Variants in CNTNAP2 observed in about 807,000 individuals in gnomAD.
The protein encoded by CNTNAP2 is contactin associated protein 2.
In CNTNAP2, 98 loss-of-function variants were observed where a neutral mutation model predicts 155.2. The observed-to-expected ratio is 0.63, with a 90% confidence interval of 0.54 to 0.75. The LOEUF is 0.75. Ranked by LOEUF, CNTNAP2 falls within the 30% of genes least tolerant of loss-of-function variation. The pLI is 0.00. For synonymous variants in CNTNAP2, 651 were observed against 631.2 expected (o/e 1.03, Z -0.47); for missense variants, 1,727 against 1,688.1 (o/e 1.02, Z -0.40).
At chr7:146,430,134 A>T (rs1796150463) in intron 1 of CNTNAP2, among the ~76,000 whole-genome samples, 1 of 151,792 alleles carries the variant, frequency 6.6e-6, no homozygotes, top group South Asian at 2.1e-4. Flanking sequence ...TATTTTATTG[A>T]GAATATTCGC....
At chr7:148,136,316 G>A (rs550200740) in intron 16 of CNTNAP2, among the ~76,000 whole-genome samples, 49 of 152,108 alleles carry the variant, frequency 3.2e-4, no homozygotes, top group South Asian at 2.1e-4. Flanking sequence ...TCATGGGGGC[G>A]GATCCTTCAT....
chr7:148,149,220 T>C (rs1021451588), intron 17 of CNTNAP2, among the ~76,000 whole-genome samples: 2 of 152,152 alleles, frequency 1.3e-5, no homozygotes, highest in African/African-American at 4.8e-5. Context: ...TGGCTAACTG[T>C]GGCTGTGTGT....
intron 3 of CNTNAP2, among the ~76,000 whole-genome samples, chr7:146,926,406 C>A (rs1256432054): frequency 1.3e-5 from 2 of 152,060 alleles, no homozygotes; most frequent in Admixed American, 1.3e-4. Context: ...GTTTATAATT[C>A]CAACTGAGTT....
chr7:146,261,730 CT>C (rs1399438674), intron 1 of CNTNAP2, among the ~76,000 whole-genome samples: 1 of 152,076 alleles, frequency 6.6e-6, no homozygotes, highest in East Asian at 1.9e-4. Context: ...GAAATTCAGT[CT>C]TTAGCTCAGA....
chr7:147,078,652 C>G (rs377667099), intron 4 of CNTNAP2, among the ~76,000 whole-genome samples: 79 of 152,076 alleles, frequency 5.2e-4, no homozygotes, highest in African/African-American at 1.8e-3. Context: ...CTAACACAGA[C>G]AACGTTATTT....
intron 1 of CNTNAP2, among the ~76,000 whole-genome samples, chr7:146,269,737 T>C (rs1261628839): frequency 6.6e-6 from 1 of 152,220 alleles, no homozygotes; most frequent in African/African-American, 2.4e-5. Context: ...ACATTATTAA[T>C]TCCAACTAAC....
intron 15 of CNTNAP2, among the ~76,000 whole-genome samples, chr7:148,061,958 G>GATAGATAGATAAACAGAT (rs1803153474): frequency 2.0e-4 from 6 of 29,902 alleles, no homozygotes; most frequent in Non-Finnish European, 3.6e-4. Context: ...AACAGATATA[G>GATAGATAGATAAACAGAT]ATAGATAGAT....
chr7:146,810,784 G>A (rs1803051964), intron 2 of CNTNAP2, among the ~76,000 whole-genome samples: 1 of 152,032 alleles, frequency 6.6e-6, no homozygotes, highest in South Asian at 2.1e-4. Context: ...GCCATGTATA[G>A]CCTTTGTTAT....
chr7:148,018,840 T>G (rs1276268831), intron 15 of CNTNAP2, among the ~76,000 whole-genome samples: 1 of 152,374 alleles, frequency 6.6e-6, no homozygotes, highest in South Asian at 2.1e-4. Context: ...GTTTTTTGTT[T>G]GTTAAGTTCA....
intron 1 of CNTNAP2, among the ~76,000 whole-genome samples, chr7:146,268,951 C>T (rs1375999135): frequency 6.6e-6 from 1 of 152,134 alleles, no homozygotes; most frequent in Non-Finnish European, 1.5e-5. Flanking sequence ...GAGTGAAAAG[C>T]ATAATTTAAA....
intron 21 of CNTNAP2, among the ~76,000 whole-genome samples, chr7:148,327,016 C>T (rs1016380556): frequency 1.3e-5 from 2 of 152,194 alleles, no homozygotes; most frequent in African/African-American, 4.8e-5. Context: ...CTGGAAGAGC[C>T]AGGTTTGCAA....
intron 11 of CNTNAP2, among the ~76,000 whole-genome samples, chr7:147,497,792 G>A (rs1798736201): frequency 6.6e-6 from 1 of 152,114 alleles, no homozygotes; most frequent in South Asian, 2.1e-4. Flanking sequence ...CCTGCATTGG[G>A]GCAGGCCAGA....
chr7:147,212,193 T>C (rs1803163855), intron 8 of CNTNAP2, among the ~76,000 whole-genome samples: 1 of 152,136 alleles, frequency 6.6e-6, no homozygotes, highest in Non-Finnish European at 1.5e-5. Flanking sequence ...GTTTGGAGAT[T>C]TCTCAAAGAA....
chr7:146,258,592 T>C (rs111393750), intron 1 of CNTNAP2, among the ~76,000 whole-genome samples: 1 of 152,150 alleles, frequency 6.6e-6, no homozygotes, highest in Non-Finnish European at 1.5e-5. Context: ...CATATAGTGA[T>C]GGATCAAATA....
intron 12 of CNTNAP2, chr7:147,638,764 A>T: frequency 2.3e-6 from 1 of 426,288 alleles, no homozygotes. Flanking sequence ...ATGGATGACA[A>T]AGTCAGCAAG....
chr7:147,704,119 A>G (rs1162385564), intron 13 of CNTNAP2, among the ~76,000 whole-genome samples: 1 of 152,184 alleles, frequency 6.6e-6, no homozygotes, highest in Non-Finnish European at 1.5e-5. Flanking sequence ...CATTGTGTAC[A>G]TACACAACTT....
chr7:146,261,262 C>T (rs994066694), intron 1 of CNTNAP2, among the ~76,000 whole-genome samples: 2 of 151,932 alleles, frequency 1.3e-5, no homozygotes, highest in Non-Finnish European at 2.9e-5. Context: ...GAATAATACA[C>T]TTAGTTACTG....
chr7:148,052,111 C>G (rs900536700), intron 15 of CNTNAP2, among the ~76,000 whole-genome samples: 5 of 148,760 alleles, frequency 3.4e-5, no homozygotes, highest in Admixed American at 2.7e-4. Context: ...TGCACTCCAG[C>G]CTGGGCGACA....
At chr7:146,262,320 C>T (rs1308361296) in intron 1 of CNTNAP2, among the ~76,000 whole-genome samples, 2 of 152,130 alleles carry the variant, frequency 1.3e-5, no homozygotes, top group South Asian at 2.1e-4. Flanking sequence ...AATCCTTGCC[C>T]CCCTCAATTG....
Sources: allele counts gnomAD v4.1 joint callset (sites outside exome capture counted in the v4.1 genomes callset), GRCh38; gene constraint gnomAD v4.1.1; transcripts MANE v1.5; gene names NCBI Gene and HGNC (gene_info 2026-07-23, HGNC 2026-07-21).